The following WDPCP variants were observed in gnomAD, a reference collection of about 807,000 sequenced individuals.
WDPCP encodes WD repeat containing planar cell polarity effector, also known as WD repeat-containing and planar cell polarity effector protein fritz homolog.
A neutral mutation model predicts 93.1 loss-of-function variants in WDPCP; 71 were observed. The observed-to-expected ratio is 0.76, with a 90% confidence interval of 0.63 to 0.93. The LOEUF (loss-of-function observed/expected upper bound fraction) is 0.93. Among genes scored for constraint, WDPCP ranks in the 40% least tolerant of loss-of-function variants. WDPCP has a pLI of 0.00. For missense variants in WDPCP, 844 were observed against 887.4 expected (o/e 0.95, Z 0.62); for synonymous variants, 315 against 315.0 (o/e 1.00, Z 0.00).
In WDPCP at chr2:63,825,998, A is replaced by T. The variant is rs536622718; in HGVS notation, n.222+1624T>A. 1.7e-3 allele frequency among the ~76,000 whole-genome samples: 265 copies of T among 152,160 alleles called. 1 individual carries two copies. The highest frequency in any genetic ancestry group is 5.1e-3 in the African/African-American group (211 of 41,518). On this transcript the variant is annotated intron_variant and non_coding_transcript_variant, in intron 1 of 4. Coordinates refer to the WDPCP transcript ENST00000467687. ...TTACAGTCCTGCATTATCTTTTTTT[A>T]AAAAAATTAAAACACATCAACAAAT...
chr2:63,260,739 G>A (rs1296207349), intron 13 of WDPCP, among the ~76,000 whole-genome samples: 2 of 152,042 alleles, frequency 1.3e-5, no homozygotes, highest in Non-Finnish European at 2.9e-5. Flanking sequence ...TAGTAGAGAC[G>A]GGGTTTCACC....
chr2:63,562,112 A>C (rs1706672491), intron 1 of WDPCP, among the ~76,000 whole-genome samples: 1 of 152,238 alleles, frequency 6.6e-6, no homozygotes, highest in Admixed American at 6.5e-5. Context: ...AAAAACATGG[A>C]ATTAGTCCAA....
At chr2:63,134,382 G>A (rs753238626) in intron 17 of WDPCP, among the ~76,000 whole-genome samples, 62 of 151,860 alleles carry the variant, frequency 4.1e-4, no homozygotes, top group Admixed American at 6.6e-4. Flanking sequence ...ATACCCACTC[G>A]GCATGTAAAT....
Position 63,490,873 on chromosome 2 carries a change from G to A in WDPCP, c.160+1983C>T, listed in dbSNP as rs140748457. Among the ~76,000 whole-genome samples the A allele has an allele frequency of 9.9e-5, 15 of 152,160 alleles. No individual in the cohort carries two copies. In the East Asian group the frequency reaches 2.9e-3, roughly 29 times the overall value. On this transcript the variant is annotated intron_variant, in intron 2 of 17. Coordinates refer to ENST00000272321, the MANE Select transcript of WDPCP (RefSeq NM_015910.7). ...GGAAGATAAGTGAAGAAGACCCAAT[G>A]GACTAGGAGAATGTCAAGTGATTAA... is the stretch of plus-strand genomic sequence containing the variant.
intron 2 of WDPCP, among the ~76,000 whole-genome samples, chr2:63,699,813 TA>T (rs1558887313): frequency 1.3e-5 from 2 of 152,090 alleles, no homozygotes; most frequent in East Asian, 3.8e-4. Context: ...AAAGGTCTTT[TA>T]AAAAAATGTG....
intron 1 of WDPCP, among the ~76,000 whole-genome samples, chr2:63,534,170 G>A (rs1462364180): frequency 6.6e-6 from 1 of 152,134 alleles, no homozygotes; most frequent in African/African-American, 2.4e-5. Context: ...GGAAGAAGCT[G>A]AATCTCTGAC....
upstream of WDPCP, chr2:63,589,201 T>C: frequency 6.3e-7 from 1 of 1,591,436 alleles, no homozygotes; most frequent in Middle Eastern, 1.7e-4. Context: ...ATTGCCGCAG[T>C]GACCCAGTAA....
intron 3 of WDPCP, among the ~76,000 whole-genome samples, chr2:63,608,714 G>T (rs1232341709): frequency 6.6e-6 from 1 of 152,110 alleles, no homozygotes; most frequent in Non-Finnish European, 1.5e-5. Flanking sequence ...GGAAAGTAAG[G>T]CAAGAGGATC....
intron 14 of WDPCP, among the ~76,000 whole-genome samples, chr2:63,175,955 G>T (rs1236193354): frequency 6.6e-6 from 1 of 152,148 alleles, no homozygotes; most frequent in African/African-American, 2.4e-5. Flanking sequence ...TCAGAAGGGG[G>T]ATTGCCTATC....
intron 2 of WDPCP, among the ~76,000 whole-genome samples, chr2:63,706,723 T>C (rs1669160836): frequency 6.7e-6 from 1 of 149,676 alleles, no homozygotes; most frequent in South Asian, 2.1e-4. Context: ...TTCACGCCAT[T>C]CTCCTGCCTC....
chr2:63,405,534 TGTG>T, intron 9 of WDPCP, among the ~76,000 whole-genome samples: 1 of 19,236 alleles, frequency 5.2e-5, no homozygotes, highest in South Asian at 4.6e-3. Context: ...TTTGGTATAG[TGTG>T]TGTGTGTGTG....
At chr2:63,675,779 C>T (rs530242577) in intron 2 of WDPCP, among the ~76,000 whole-genome samples, 1 of 152,212 alleles carries the variant, frequency 6.6e-6, no homozygotes, top group African/African-American at 2.4e-5. Flanking sequence ...TAAGAGATAG[C>T]CATCTTCCCC....
chr2:63,622,696 G>C, intron 3 of WDPCP: 2 of 1,613,774 alleles, frequency 1.2e-6, no homozygotes, highest in Non-Finnish European at 1.7e-6. Flanking sequence ...TTCTGGTCAG[G>C]GGTCACCTCC....
At position 63,381,941 on chromosome 2, in the gene WDPCP, T is replaced by C. The variant is rs1450898477; in HGVS notation, c.1589A>G (p.His530Arg). ...CFISMSAIVN[H>R]LLRQKLTPER... Reference sequence around the variant, plus strand: ...TGGAGTGAGCTTCTGTCTAAGAAGATGGTTTACAATGGCGCTCATGCTGAT... The same window carrying C: ...TGGAGTGAGCTTCTGTCTAAGAAGACGGTTTACAATGGCGCTCATGCTGAT... The change falls in exon 11 of 18, where the codon CAT becomes CGT. Residue 530 changes from histidine to arginine, a missense_variant. By Grantham distance (29) the His-to-Arg change is conservative. Coordinates refer to ENST00000272321, the MANE Select transcript of WDPCP (RefSeq NM_015910.7). 2 of 1,613,418 alleles carry C rather than the reference T, an allele frequency of 1.2e-6. No homozygotes were observed. The highest frequency in any genetic ancestry group is 1.7e-6 in the Non-Finnish European group (2 of 1,179,702).
At chr2:63,621,877 CT>C (rs35631693) in intron 3 of WDPCP, among the ~76,000 whole-genome samples, 119,915 of 149,040 alleles carry the variant, frequency 0.8, 48,413 homozygotes, top group East Asian at 0.98. Context: ...ATTCAACATT[CT>C]TTTTTTTTTT....
At chr2:63,837,222 T>A in the WDPCP span, among the ~76,000 whole-genome samples, 1 of 152,216 alleles carries the variant, frequency 6.6e-6, no homozygotes, top group Non-Finnish European at 1.5e-5. Context: ...GACAACTCAT[T>A]CATTAGTAGT....
chr2:63,322,295 G>A (rs1414460696), intron 12 of WDPCP, among the ~76,000 whole-genome samples: 1 of 152,240 alleles, frequency 6.6e-6, no homozygotes, highest in African/African-American at 2.4e-5. Context: ...AGCAGGATGT[G>A]GGTGGGCCCA....
intron 3 of WDPCP, chr2:63,607,087 TGAAA>T (rs1709548184): frequency 8.3e-7 from 1 of 1,208,740 alleles, no homozygotes; most frequent in Non-Finnish European, 1.1e-6. Flanking sequence ...AAATTACTTG[TGAAA>T]AACAACACAT....
At chr2:63,599,143 C>G in intron 3 of WDPCP, 2 of 1,610,200 alleles carry the variant, frequency 1.2e-6, no homozygotes, top group Non-Finnish European at 1.7e-6. Flanking sequence ...TAGTCTGTAA[C>G]TCTTCAGTGC....
Sources: gnomAD v4.1 joint callset for allele counts (sites outside exome capture counted in the v4.1 genomes callset) on GRCh38, gnomAD v4.1.1 for gene constraint, MANE v1.5 for transcripts, NCBI Gene and HGNC (gene_info 2026-07-23, HGNC 2026-07-21) for gene names.